KHDRBS3: variants seen among roughly 807,000 people sequenced by gnomAD.
The protein encoded by KHDRBS3 is KH domain-containing, RNA-binding, signal transduction-associated protein 3.
Under a neutral mutation model 45.6 loss-of-function variants are expected in KHDRBS3, and 23 were observed. The ratio of observed to expected loss-of-function variants is 0.50; its 90% confidence interval spans 0.36 to 0.72. KHDRBS3 has a LOEUF of 0.72. KHDRBS3 is among the 30% of genes least tolerant of loss of function. KHDRBS3 has a pLI of 0.00. For missense variants in KHDRBS3, 352 were observed against 424.8 expected, an observed-to-expected ratio of 0.83 and a Z score of 1.51; for synonymous variants, 162 against 156.5, an observed-to-expected ratio of 1.04 and a Z score of -0.26.
At chr8:135,596,112 T>G (rs1828961500) in intron 6 of KHDRBS3, among the ~76,000 whole-genome samples, 1 of 152,164 alleles carries the variant, frequency 6.6e-6, no homozygotes, top group Non-Finnish European at 1.5e-5. Flanking sequence ...AAATGACTCA[T>G]GTGACTATTT....
rs535939137 is a variant in KHDRBS3, at chr8:135,632,458, G to A, written c.891-12601G>A. On this transcript the variant is annotated intron_variant, in intron 7 of 8. Coordinates refer to ENST00000355849, the MANE Select transcript of KHDRBS3 (RefSeq NM_006558.3). ...TGGTCTCACTGTCTCAGGTTTTAACGACCAAGAGCAATGATGATGACTCCC... is the reference window on the plus strand; with the variant it reads ...TGGTCTCACTGTCTCAGGTTTTAACAACCAAGAGCAATGATGATGACTCCC... 2.6e-5 allele frequency among the ~76,000 whole-genome samples: 4 copies of A among 151,910 alleles called. No individual in the cohort carries two copies. The South Asian group carries it at 6.3e-4, about 24-fold the overall frequency.
intron 7 of KHDRBS3, among the ~76,000 whole-genome samples, chr8:135,616,736 T>C (rs1829932024): frequency 6.6e-6 from 1 of 152,210 alleles, no homozygotes; most frequent in African/African-American, 2.4e-5. Context: ...AGCGCTTGTG[T>C]TGATGACCAA....
chr8:135,544,761 C>G (rs1204438950), intron 3 of KHDRBS3, among the ~76,000 whole-genome samples: 1 of 152,116 alleles, frequency 6.6e-6, no homozygotes, highest in Non-Finnish European at 1.5e-5. Context: ...CTGGTTCTTT[C>G]ATTTCTATGT....
At chr8:135,548,311 T>G (rs1316046626) in intron 3 of KHDRBS3, among the ~76,000 whole-genome samples, 2 of 152,150 alleles carry the variant, frequency 1.3e-5, no homozygotes, top group Non-Finnish European at 2.9e-5. Context: ...ATAAGTTATT[T>G]CAGATAGTGA....
rs10529846 is a variant in KHDRBS3, at chr8:135,481,223, GATATATATAT to G, written c.88+23288_88+23297del. On this transcript the variant is annotated intron_variant, in intron 1 of 8. Transcript: ENST00000355849. ...TTCTTGTCTGATTCATGAAAGCCAC[GATATATATAT>G]ATATATATATATATATATTTAATGT... is the stretch of plus-strand genomic sequence containing the variant. Among the ~76,000 whole-genome samples the G allele has an allele frequency of 1.1e-3, 84 of 77,408 alleles. 2 individuals carry two copies. The highest frequency in any genetic ancestry group is 3.7e-3 in the African/African-American group (76 of 20,624). The allele number at this position is 77,408 out of a possible 152,430, so 50.8% of individuals were successfully genotyped here. A position where few individuals can be genotyped will look rare whatever the true frequency, so the allele number is the denominator to read the frequency against.
chr8:135,606,961 G>C lies in KHDRBS3; in HGVS notation c.814G>C (p.Asp272His). 6.2e-7 allele frequency: 1 copy of C among 1,612,192 alleles called. No individual in the cohort carries two copies. Among genetic ancestry groups the C allele is most frequent in the East Asian group, 2.2e-5 (1 of 44,838 alleles). ...TTCTCCTGTTATGTTTTAGGACTATGATGATGGATATGGCACTGCTTATGA... is the reference window on the plus strand; with the variant it reads ...TTCTCCTGTTATGTTTTAGGACTATCATGATGGATATGGCACTGCTTATGA... The part of the protein sequence containing the change: ...TQETYGEYDY[D>H]DGYGTAYDEQ... Residue 272 changes from aspartate to histidine, a missense_variant, in exon 7 of 9, where the codon GAT (aspartate) becomes CAT (histidine). Transcript: ENST00000355849.
At chr8:135,594,909 A>G (rs1486455868) in intron 6 of KHDRBS3, among the ~76,000 whole-genome samples, 1 of 152,222 alleles carries the variant, frequency 6.6e-6, no homozygotes, top group Non-Finnish European at 1.5e-5. Flanking sequence ...GCACACTTAG[A>G]TGCACTGGAA....
intron 7 of KHDRBS3, among the ~76,000 whole-genome samples, chr8:135,627,714 G>A (rs1434975970): frequency 4.6e-5 from 7 of 152,120 alleles, no homozygotes; most frequent in African/African-American, 1.4e-4. Flanking sequence ...TAACCATGAG[G>A]AGAACATTTC....
At chr8:135,467,542 G>T (rs1433145306) in intron 1 of KHDRBS3, among the ~76,000 whole-genome samples, 2 of 152,212 alleles carry the variant, frequency 1.3e-5, no homozygotes, top group Non-Finnish European at 2.9e-5. Context: ...TTCGTGATAG[G>T]CATTTTGGAA....
chr8:135,577,630 T>C (rs1373524328), intron 5 of KHDRBS3, among the ~76,000 whole-genome samples: 4 of 152,196 alleles, frequency 2.6e-5, no homozygotes, highest in Admixed American at 6.5e-5. Flanking sequence ...ACTGTATGCA[T>C]GTAACCCAGT....
intron 1 of KHDRBS3, among the ~76,000 whole-genome samples, chr8:135,461,078 A>T (rs1821405457): frequency 6.6e-6 from 1 of 152,086 alleles, no homozygotes; most frequent in Admixed American, 6.6e-5. Flanking sequence ...TCCACCTCCT[A>T]AATGAATTTG....
chr8:135,459,463 G>A (rs1157377430), intron 1 of KHDRBS3, among the ~76,000 whole-genome samples: 2 of 152,252 alleles, frequency 1.3e-5, no homozygotes, highest in East Asian at 3.9e-4. Context: ...TTATTTCTAT[G>A]CCCTCTGAAC....
chr8:135,603,960 T>A lies in KHDRBS3; in HGVS notation c.808-2995T>A, dbSNP rs191402691. Among the ~76,000 whole-genome samples, 10 of 152,178 alleles carry A rather than the reference T, an allele frequency of 6.6e-5. No individual in the cohort carries two copies. In the East Asian group the frequency reaches 1.9e-3, roughly 29 times the overall value. On this transcript the variant is annotated intron_variant, in intron 6 of 8. Coordinates refer to ENST00000355849, the MANE Select transcript of KHDRBS3 (RefSeq NM_006558.3). ...TGTTCAAATGTTTTTTTTTTCTTTTTTGACCTTCTTTCTAGGTATTCTACT... is the reference window on the plus strand; with the variant it reads ...TGTTCAAATGTTTTTTTTTTCTTTTATGACCTTCTTTCTAGGTATTCTACT...
rs543567730 is a variant in KHDRBS3 at position 135,550,172 on chromosome 8, T to C, written c.471+1272T>C. On this transcript the variant is annotated intron_variant, in intron 4 of 8. Transcript: ENST00000355849. ...TGATCATGCAGTGTGGACCAGGCAG[T>C]GCAGATCTAGCCAGGTGAAACAGAT... 1.4e-4 allele frequency among the ~76,000 whole-genome samples: 21 copies of C among 152,240 alleles called. No individual in the cohort carries two copies. In the East Asian group the frequency reaches 2.5e-3, roughly 18 times the overall value.
intron 1 of KHDRBS3, among the ~76,000 whole-genome samples, chr8:135,490,019 T>C (rs1823062200): frequency 6.6e-6 from 1 of 152,154 alleles, no homozygotes; most frequent in Non-Finnish European, 1.5e-5. Flanking sequence ...ACAAATACCA[T>C]TGTGTTACAG....
chr8:135,515,365 T>TAAAAAAA (rs59502823), intron 1 of KHDRBS3, among the ~76,000 whole-genome samples: 600 of 39,780 alleles, frequency 0.015, 66 homozygotes, highest in East Asian at 0.026. Context: ...GACTCCGTCT[T>TAAAAAAA]AAAAAAAAAA....
intron 7 of KHDRBS3, among the ~76,000 whole-genome samples, chr8:135,626,668 T>G (rs1000522704): frequency 6.6e-6 from 1 of 151,944 alleles, no homozygotes; most frequent in Non-Finnish European, 1.5e-5. Context: ...GCCGGGCGTG[T>G]TGGCGGGCGC....
chr8:135,614,954 A>C (rs2131061468), intron 7 of KHDRBS3, among the ~76,000 whole-genome samples: 1 of 151,768 alleles, frequency 6.6e-6, no homozygotes, highest in Non-Finnish European at 1.5e-5. Flanking sequence ...TAGGGTCAGG[A>C]GATAGAAAAT....
chr8:135,562,031 G>A (rs1488791809), intron 5 of KHDRBS3, among the ~76,000 whole-genome samples: 1 of 152,022 alleles, frequency 6.6e-6, no homozygotes, highest in African/African-American at 2.4e-5. Flanking sequence ...AGTAAACTAA[G>A]GGTAATTTTT....
Sources: allele counts gnomAD v4.1 joint callset (sites outside exome capture counted in the v4.1 genomes callset), GRCh38; gene constraint gnomAD v4.1.1; transcripts MANE v1.5; gene names NCBI Gene and HGNC (gene_info 2026-07-23, HGNC 2026-07-21).